PKD1L1: variants seen among roughly 807,000 people sequenced by gnomAD.
PKD1L1 encodes polycystin 1 like 1, transient receptor potential channel interacting, also known as polycystin-1-like protein 1.
In PKD1L1, 236 loss-of-function variants were observed where a neutral mutation model predicts 323.4. The observed-to-expected ratio is 0.73, with a 90% confidence interval of 0.66 to 0.81. The LOEUF (loss-of-function observed/expected upper bound fraction) is 0.81. PKD1L1 is among the 40% of genes least tolerant of loss of function. The probability of loss-of-function intolerance (pLI) is 0.00; values close to 1 mark genes in which losing one functional copy is unlikely to be tolerated. For missense variants in PKD1L1, 3,320 were observed against 3,508.0 expected, an observed-to-expected ratio of 0.95 and a Z score of 1.35; for synonymous variants, 1,344 against 1,335.0, an observed-to-expected ratio of 1.01 and a Z score of -0.15.
chr7:47,899,679 A>G lies in PKD1L1; in HGVS notation c.2065-1485T>C, dbSNP rs6971614. On this transcript the variant is annotated intron_variant, in intron 13 of 56. Transcript: ENST00000289672. ...CCCTAAAAATTGGAAAGGGAAGGCC[A>G]GGCACGGTGACGCAAGCCTGTAATC... is the stretch of plus-strand genomic sequence containing the variant. 9.7e-3 allele frequency among the ~76,000 whole-genome samples: 1,469 copies of G among 152,212 alleles called. 29 individuals carry two copies. The highest frequency in any genetic ancestry group is 0.034 in the African/African-American group (1,392 of 41,520).
intron 8 of PKD1L1, among the ~76,000 whole-genome samples, chr7:47,909,466 A>G (rs546540487): frequency 3.3e-5 from 5 of 152,036 alleles, no homozygotes; most frequent in South Asian, 2.1e-4. Flanking sequence ...CATCTGGCCA[A>G]CTCGCACCTA....
intron 3 of PKD1L1, among the ~76,000 whole-genome samples, chr7:47,938,629 G>T (rs1406063188): frequency 6.6e-6 from 1 of 152,250 alleles, no homozygotes; most frequent in Non-Finnish European, 1.5e-5. Context: ...GTAGAGAGCA[G>T]AGCGGCCAGA....
intron 45 of PKD1L1, among the ~76,000 whole-genome samples, chr7:47,822,287 T>TAA (rs572938587): frequency 6.6e-6 from 1 of 151,728 alleles, no homozygotes; most frequent in South Asian, 2.1e-4. Flanking sequence ...TCAATATCTG[T>TAA]AAAAAAAAGC....
At chr7:47,789,594 T>A (rs1786891934) in intron 56 of PKD1L1, among the ~76,000 whole-genome samples, 1 of 152,186 alleles carries the variant, frequency 6.6e-6, no homozygotes, top group African/African-American at 2.4e-5. Flanking sequence ...GTTGTGAATT[T>A]TTCCTATTTG....
At chr7:47,880,285 T>TA (rs1491195893) in intron 21 of PKD1L1, among the ~76,000 whole-genome samples, 928 of 64,318 alleles carry the variant, frequency 0.014, 12 homozygotes, top group African/African-American at 0.053. Flanking sequence ...TATATATATA[T>TA]TTTTTTTTTT....
At chr7:47,856,297 C>T (rs976048437) in intron 28 of PKD1L1, among the ~76,000 whole-genome samples, 10 of 152,180 alleles carry the variant, frequency 6.6e-5, no homozygotes, top group Non-Finnish European at 1.5e-4. Flanking sequence ...CCTCGGCCTC[C>T]CAAACTGCTG....
At chr7:47,925,474 A>G (rs920682997) in intron 7 of PKD1L1, among the ~76,000 whole-genome samples, 2 of 152,238 alleles carry the variant, frequency 1.3e-5, no homozygotes, top group African/African-American at 4.8e-5. Context: ...GACTCTACAT[A>G]AATTAATTTA....
chr7:47,823,271 CT>C (rs944987369), intron 45 of PKD1L1, among the ~76,000 whole-genome samples: 5 of 151,812 alleles, frequency 3.3e-5, no homozygotes, highest in South Asian at 2.1e-4. Context: ...CTGAGAGGTT[CT>C]TTTTTTTGGA....
chr7:47,806,980 G>A (rs958082959), intron 52 of PKD1L1, among the ~76,000 whole-genome samples: 4 of 151,864 alleles, frequency 2.6e-5, no homozygotes, highest in East Asian at 2.0e-4. Context: ...GGATTCTGTC[G>A]GGACACACAC....
chr7:47,839,670 C>T lies in PKD1L1; in HGVS notation c.5553-8G>A. On this transcript the variant is annotated splice_polypyrimidine_tract_variant and splice_region_variant and intron_variant, in intron 35 of 56. Coordinates refer to ENST00000289672, the MANE Select transcript of PKD1L1 (RefSeq NM_138295.5). This position sits in a 1 kb window ranked among gnomAD's most constrained non-coding sequence, Gnocchi z 4.3. ...CCCAGTTGGGCAGGAGCGCTGGAGG[C>T]ACACACAGCAGCATCTCAGCCGGGT... 1 of 1,558,884 alleles carries T rather than the reference C, an allele frequency of 6.4e-7. No homozygotes were observed. The highest frequency in any genetic ancestry group is 8.7e-7 in the Non-Finnish European group (1 of 1,150,906).
chr7:47,874,705 C>T (rs548465969), intron 23 of PKD1L1, among the ~76,000 whole-genome samples: 14 of 142,564 alleles, frequency 9.8e-5, no homozygotes, highest in Admixed American at 3.4e-4. Flanking sequence ...GTCCTATGCA[C>T]GGATATAGAA....
chr7:47,947,928 T>A (rs964914793), intron 1 of PKD1L1, among the ~76,000 whole-genome samples: 20 of 151,840 alleles, frequency 1.3e-4, no homozygotes, highest in South Asian at 2.1e-4. Context: ...AGATCGCACC[T>A]CTGCACTCGA....
Position 47,836,431 on chromosome 7 carries a change from C to T in PKD1L1, c.5943+490G>A, listed in dbSNP as rs532054613. Among the ~76,000 whole-genome samples the T allele has an allele frequency of 3.2e-4, 49 of 152,268 alleles. No homozygotes were observed. In the South Asian group the frequency reaches 6.8e-3, roughly 21 times the overall value. On this transcript the variant is annotated intron_variant, in intron 37 of 56. Transcript: ENST00000289672. ...GTTTTTTCCTCAGGAAAGAGAGGGT[C>T]TCCATTTTAACTGCTGACACTGATT...
chr7:47,874,584 G>C (rs1786363181), intron 23 of PKD1L1, among the ~76,000 whole-genome samples: 2 of 152,144 alleles, frequency 1.3e-5, no homozygotes, highest in Admixed American at 1.3e-4. Context: ...CAGGCATCTC[G>C]TCTACAAGCA....
chr7:47,824,342 A>G (rs1216063018), intron 45 of PKD1L1, among the ~76,000 whole-genome samples: 2 of 152,206 alleles, frequency 1.3e-5, no homozygotes, highest in African/African-American at 4.8e-5. Flanking sequence ...TTTCTCTCAT[A>G]TCAAGAATTC....
intron 33 of PKD1L1, among the ~76,000 whole-genome samples, chr7:47,844,190 T>C (rs1459942690): frequency 7.2e-5 from 11 of 152,208 alleles, no homozygotes; most frequent in African/African-American, 2.7e-4. Flanking sequence ...GATCACTGAA[T>C]GGCCAGTGAC....
intron 52 of PKD1L1, among the ~76,000 whole-genome samples, chr7:47,807,812 A>G (rs1007561002): frequency 6.6e-6 from 1 of 152,128 alleles, no homozygotes. Context: ...ACTTCTCTCT[A>G]TTGAGGGACC....
Position 47,839,728 on chromosome 7 carries a change from C to T in PKD1L1, c.5553-66G>A, listed in dbSNP as rs1785531044. ...AGTGTGGTCCTGGCATCCCATCAGC[C>T]CCAATGCTCACCCTCAAGGCACTGA... On this transcript the variant is annotated intron_variant, in intron 35 of 56. Transcript: ENST00000289672. This position sits in a 1 kb window ranked among gnomAD's most constrained non-coding sequence, Gnocchi z 4.3. The T allele has an allele frequency of 1.4e-6, 2 of 1,453,492 alleles. No individual in the cohort carries two copies. Among genetic ancestry groups the T allele is most frequent in the East Asian group, 2.5e-5 (1 of 40,240 alleles). 90.0% of individuals were successfully genotyped at this position (1,453,492 alleles called of 1,614,324 possible). A position where few individuals can be genotyped will look rare whatever the true frequency, so the allele number is the denominator to read the frequency against.
intron 50 of PKD1L1, 152 bp downstream of exon 50, chr7:47,811,665 G>T: frequency 1.5e-6 from 1 of 659,718 alleles, no homozygotes; most frequent in Non-Finnish European, 2.6e-6. Context: ...TTAGTGTGAT[G>T]CTTGCTGCAA....
Sources: allele counts gnomAD v4.1 joint callset (sites outside exome capture counted in the v4.1 genomes callset), GRCh38; gene constraint gnomAD v4.1.1; non-coding constraint Gnocchi (gnomAD v3.1); transcripts MANE v1.5; gene names NCBI Gene and HGNC (gene_info 2026-07-23, HGNC 2026-07-21).